Variants in SULF2 observed in about 807,000 individuals in gnomAD.
SULF2 encodes extracellular sulfatase Sulf-2.
In SULF2, 52 loss-of-function variants were observed where a neutral mutation model predicts 107.7. The ratio of observed to expected loss-of-function variants is 0.48; its 90% CI spans 0.39 to 0.61. The LOEUF (loss-of-function observed/expected upper bound fraction) is 0.61, where lower values mean the gene tolerates loss of function less well. Among genes scored for constraint, SULF2 ranks in the 20% least tolerant of loss-of-function variants. The probability of loss-of-function intolerance (pLI) is 0.00; values close to 1 mark genes in which losing one functional copy is unlikely to be tolerated. For synonymous variants in SULF2, 460 were observed against 464.3 expected (o/e 0.99, Z 0.12); for missense variants, 993 against 1,177.3 (o/e 0.84, Z 2.29).
intron 1 of SULF2, among the ~76,000 whole-genome samples, chr20:47,784,393 A>G (rs111783138): frequency 0.02 from 3,018 of 147,902 alleles, 46 homozygotes; most frequent in South Asian, 0.04. Context: ...CAAAGCTTTC[A>G]AGGGGGAGGA....
intron 3 of SULF2, among the ~76,000 whole-genome samples, chr20:47,713,936 C>T (rs2089018797): frequency 6.6e-6 from 1 of 152,004 alleles, no homozygotes; most frequent in Non-Finnish European, 1.5e-5. Context: ...TCCGAGACTC[C>T]AGTAATGAGC....
intron 1 of SULF2, among the ~76,000 whole-genome samples, chr20:47,777,107 A>G (rs2090738909): frequency 6.6e-6 from 1 of 152,232 alleles, no homozygotes; most frequent in East Asian, 1.9e-4. Context: ...GAGAAGACAA[A>G]GGACAAATAA....
intron 5 of SULF2, among the ~76,000 whole-genome samples, chr20:47,687,713 GTTTT>G (rs74178754): frequency 1.2e-4 from 17 of 147,178 alleles, no homozygotes; most frequent in Non-Finnish European, 4.5e-5. Flanking sequence ...GCATGTGTGT[GTTTT>G]TTTTTTTCGA....
Position 47,736,848 on chromosome 20 carries a change from G to A in SULF2, c.270C>T (p.Pro90=). 6.2e-7 allele frequency: 1 copy of A among 1,614,210 alleles called. No homozygotes were observed. Among genetic ancestry groups the A allele is most frequent in the Non-Finnish European group, 8.5e-7 (1 of 1,180,002 alleles). Residue 90 remains proline (P), a synonymous_variant, in exon 3 of 21, where the codon CCC becomes CCT. Transcript: ENST00000688720. The stretch of plus-strand genomic sequence containing the variant: ...TGCCAGTGAGGATGGAGGAGCGTGA[G>A]GGGCAGCACATGGGTGTGGTCACGA... The part of the protein sequence containing the change: ...NAFVTTPMCC[P]SRSSILTGKY...
intron 5 of SULF2, chr20:47,686,333 A>T (rs1031642036): frequency 3.9e-5 from 6 of 152,206 alleles, no homozygotes; most frequent in African/African-American, 1.4e-4. Flanking sequence ...CCTCCTTGTC[A>T]CCTCAGTTTA....
intron 3 of SULF2, among the ~76,000 whole-genome samples, chr20:47,724,450 G>A (rs905880452): frequency 1.3e-5 from 2 of 152,188 alleles, no homozygotes; most frequent in South Asian, 2.1e-4. Flanking sequence ...AGGGCCAGGC[G>A]GAGCTCTGGG....
At chr20:47,770,003 A>G (rs562085570) in intron 1 of SULF2, among the ~76,000 whole-genome samples, 100 of 133,084 alleles carry the variant, frequency 7.5e-4, no homozygotes, top group African/African-American at 2.7e-3. Context: ...CACGGAGCTG[A>G]GTGAAGGGGG....
At position 47,710,277 on chromosome 20, in the gene SULF2, A is replaced by AGT. The variant is rs1431020954; in HGVS notation, c.416-7608_416-7607insAC. 1.5e-3 allele frequency among the ~76,000 whole-genome samples: 222 copies of AGT among 148,898 alleles called. 2 individuals are homozygous for AGT. Among genetic ancestry groups the AGT allele is most frequent in the Non-Finnish European group, 2.3e-3 (156 of 67,984 alleles). On this transcript the variant is annotated intron_variant, in intron 3 of 20. Transcript: ENST00000688720. ...GGTCTGGAACTCCTGGGCTCAAGTG[A>AGT]TCCTCCCGCCTTGGCCTCCCAAGGT...
intron 2 of SULF2, among the ~76,000 whole-genome samples, chr20:47,746,992 AAAATATAT>A (rs1477393771): frequency 4.4e-4 from 40 of 90,374 alleles, no homozygotes; most frequent in African/African-American, 1.6e-3. Context: ...TAAAAAAAAA[AAAATATAT>A]ATATATATAT....
At chr20:47,674,636 T>C (rs1469896577) in intron 10 of SULF2, among the ~76,000 whole-genome samples, 1 of 152,186 alleles carries the variant, frequency 6.6e-6, no homozygotes, top group Non-Finnish European at 1.5e-5. Flanking sequence ...GACAGACAGA[T>C]GCACATGAGC....
chr20:47,728,310 C>T (rs1045281984), intron 3 of SULF2, among the ~76,000 whole-genome samples: 4 of 152,096 alleles, frequency 2.6e-5, no homozygotes, highest in Non-Finnish European at 5.9e-5. Context: ...GAGAAGGCTG[C>T]CATTGTGAAG....
In SULF2 at chr20:47,702,723, T is replaced by C; in HGVS notation, c.416-53A>G. On this transcript the variant is annotated intron_variant, in intron 3 of 20. Coordinates refer to ENST00000688720, the MANE Select transcript of SULF2 (RefSeq NM_001387048.1). Reference sequence around the variant, plus strand: ...ACGTGAGAAAGTGCCTGACGATGTTTATTAAACTATTGTGTGTCCGAGGCC... The same window carrying C: ...ACGTGAGAAAGTGCCTGACGATGTTCATTAAACTATTGTGTGTCCGAGGCC... 5 of 1,587,278 alleles carry C rather than the reference T, an allele frequency of 3.2e-6. No individual in the cohort carries two copies. The Admixed American group carries it at 8.5e-5, about 27-fold the overall frequency.
chr20:47,759,323 C>T (rs929037518), intron 1 of SULF2, among the ~76,000 whole-genome samples: 1 of 152,198 alleles, frequency 6.6e-6, no homozygotes, highest in Non-Finnish European at 1.5e-5. Flanking sequence ...CTTTCCAGCC[C>T]TACTGGCTTC....
rs1046912464 is a variant in SULF2 at position 47,666,553 on chromosome 20, G to T, written c.1577-65C>A. 5.3e-6 allele frequency: 7 copies of T among 1,327,406 alleles called. No individual in the cohort carries two copies. Among genetic ancestry groups the T allele is most frequent in the Non-Finnish European group, 7.4e-6 (7 of 944,596 alleles). The allele number at this position is 1,327,406 out of a possible 1,614,324, so 82.2% of individuals were successfully genotyped here. A position where few individuals can be genotyped will look rare whatever the true frequency, so the allele number is the denominator to read the frequency against. ...AAAGGCTGGCCAGGCTCCCAGGGCA[G>T]TGGGTCCTTCATCAAGATAGGGCCG... On this transcript the variant is annotated intron_variant, in intron 11 of 20. Transcript: ENST00000688720. This position sits in a 1 kb window ranked among gnomAD's most constrained non-coding sequence, Gnocchi z 5.4.
chr20:47,681,803 A>G (rs2146498001), intron 7 of SULF2, among the ~76,000 whole-genome samples: 1 of 152,290 alleles, frequency 6.6e-6, no homozygotes, highest in African/African-American at 2.4e-5. Flanking sequence ...CTCCTGCCTC[A>G]GCCTCCTGAG....
chr20:47,746,601 A>C (rs2090040239), intron 2 of SULF2, among the ~76,000 whole-genome samples: 1 of 152,126 alleles, frequency 6.6e-6, no homozygotes, highest in South Asian at 2.1e-4. Flanking sequence ...TCTCCAGCAG[A>C]GGGGAGAGAA....
chr20:47,757,725 C>A (rs1364774655), intron 1 of SULF2, among the ~76,000 whole-genome samples: 1 of 152,080 alleles, frequency 6.6e-6, no homozygotes, highest in Non-Finnish European at 1.5e-5. Context: ...TCTGATGTGT[C>A]GGTGGCAGCC....
At chr20:47,756,070 G>A (rs547239019) in intron 2 of SULF2, among the ~76,000 whole-genome samples, 35 of 152,324 alleles carry the variant, frequency 2.3e-4, no homozygotes, top group African/African-American at 8.2e-4. Context: ...CTGGATGAAT[G>A]AACAAACGTG....
In SULF2 at chr20:47,690,205, T is replaced by C; in HGVS notation, c.658A>G (p.Ile220Val). Reference protein sequence around the residue: ...MYPHRPVLMVISHAAPHGPED... With the variant: ...MYPHRPVLMVVSHAAPHGPED... ...GGGCCGTGGGGGGCTGCATGGCTGA[T>C]GACCATGAGGACTGGCCTGTGCGGG... is the stretch of plus-strand genomic sequence containing the variant. The change falls in exon 5 of 21, where the codon ATC becomes GTC. Residue 220 changes from isoleucine to valine, a missense_variant. This residue lies in a region of SULF2 where 388 missense variants were observed against 449.2 expected (regional missense o/e 0.86). Coordinates refer to ENST00000688720, the MANE Select transcript of SULF2 (RefSeq NM_001387048.1). 4 of 1,574,198 alleles carry C rather than the reference T, an allele frequency of 2.5e-6. No individual in the cohort carries two copies. Among genetic ancestry groups the C allele is most frequent in the Non-Finnish European group, 3.5e-6 (4 of 1,157,144 alleles).
Sources: allele counts gnomAD v4.1 joint callset (sites outside exome capture counted in the v4.1 genomes callset), GRCh38; gene constraint gnomAD v4.1.1; regional missense constraint gnomAD v4.1.1; non-coding constraint Gnocchi (gnomAD v3.1); transcripts MANE v1.5; gene names NCBI Gene and HGNC (gene_info 2026-07-23, HGNC 2026-07-21).